ZHX2: variants seen among roughly 807,000 people sequenced by gnomAD.
The protein encoded by ZHX2 is zinc fingers and homeoboxes protein 2.
Under a neutral mutation model 21.9 loss-of-function variants are expected in ZHX2, and 6 were observed. The observed-to-expected ratio is 0.27, with a 90% confidence interval of 0.15 to 0.54. The LOEUF is 0.54. ZHX2 is among the 20% of genes least tolerant of loss of function. The pLI, the probability that ZHX2 is intolerant of heterozygous loss-of-function variation, is 0.95. For missense variants in ZHX2, 908 were observed against 1,090.7 expected (o/e 0.83, Z 2.36); for synonymous variants, 434 against 437.1 (o/e 0.99, Z 0.09).
intron 1 of ZHX2, among the ~76,000 whole-genome samples, chr8:122,812,885 T>C (rs1030826202): frequency 1.3e-5 from 2 of 152,124 alleles, no homozygotes; most frequent in Non-Finnish European, 2.9e-5. Context: ...TTAAGTATTC[T>C]TTACCACTAC....
chr8:122,803,927 G>A (rs117486709), intron 1 of ZHX2, among the ~76,000 whole-genome samples: 2,559 of 152,290 alleles, frequency 0.017, 40 homozygotes, highest in South Asian at 0.063. Flanking sequence ...CCCCACAGAG[G>A]AGAAGCCATT....
At chr8:122,815,407 T>G (rs1818010338) in intron 1 of ZHX2, 2 of 152,288 alleles carry the variant, frequency 1.3e-5, no homozygotes, top group Non-Finnish European at 2.9e-5. Context: ...TGCACTTCAC[T>G]GTATCACGCT....
At position 122,782,520 on chromosome 8, in the gene ZHX2, C is replaced by T. The variant is rs1315295775; in HGVS notation, c.-283+574C>T. Among the ~76,000 whole-genome samples the T allele has an allele frequency of 6.6e-6, 1 of 152,082 alleles. No homozygotes were observed. The highest frequency in any genetic ancestry group is 1.9e-4 in the East Asian group (1 of 5,170). ...GTCTGCTCCCCTCCCTCCCCCTCTC[C>T]CCTCGCTCCCCTCTCCCGGTGACGA... On this transcript the variant is annotated intron_variant, in intron 1 of 3. Transcript: ENST00000314393. This position sits in a 1 kb window ranked among gnomAD's most constrained non-coding sequence, Gnocchi z 5.3.
chr8:122,799,163 GC>G (rs1817668947), intron 1 of ZHX2, among the ~76,000 whole-genome samples: 1 of 152,168 alleles, frequency 6.6e-6, no homozygotes, highest in African/African-American at 2.4e-5. Context: ...ACCACTCCCA[GC>G]CCTTTTGATC....
chr8:122,857,908 G>A (rs1819066487), intron 1 of ZHX2, among the ~76,000 whole-genome samples: 2 of 152,220 alleles, frequency 1.3e-5, no homozygotes, highest in African/African-American at 4.8e-5. Context: ...GGAAGTGGTG[G>A]CTGTTATGTG....
At chr8:122,837,634 G>A (rs1343531864) in intron 1 of ZHX2, among the ~76,000 whole-genome samples, 1 of 152,170 alleles carries the variant, frequency 6.6e-6, no homozygotes, top group Non-Finnish European at 1.5e-5. Context: ...GGGAATAGAG[G>A]GTGAGAATTT....
intron 2 of ZHX2, among the ~76,000 whole-genome samples, chr8:122,901,693 C>T (rs949055850): frequency 2.0e-5 from 3 of 152,122 alleles, no homozygotes; most frequent in African/African-American, 7.2e-5. Flanking sequence ...ACATTTGGGG[C>T]CGGTTAGTTC....
intron 2 of ZHX2, among the ~76,000 whole-genome samples, chr8:122,872,008 C>T (rs1250436980): frequency 2.0e-5 from 3 of 152,142 alleles, no homozygotes; most frequent in African/African-American, 7.2e-5. Flanking sequence ...ATCATCCTAC[C>T]CAACTGCACT....
chr8:122,841,430 AG>A (rs1367493781), intron 1 of ZHX2, among the ~76,000 whole-genome samples: 16 of 152,060 alleles, frequency 1.1e-4, no homozygotes, highest in Admixed American at 4.6e-4. Context: ...CACACCTTGC[AG>A]GTGCCAGACA....
Position 122,880,013 on chromosome 8 carries a change from T to C in ZHX2, c.-220+16474T>C, listed in dbSNP as rs568571672. 3.3e-5 allele frequency among the ~76,000 whole-genome samples: 5 copies of C among 149,406 alleles called. No individual in the cohort carries two copies. In the East Asian group the frequency reaches 8.0e-4, roughly 24 times the overall value. ...TTTTAGATGGAGCCTCGCTCTGTTG[T>C]CCAGGCTAGAGTACAGTGGTGCAAT... On this transcript the variant is annotated intron_variant, in intron 2 of 3. Transcript: ENST00000314393.
chr8:122,951,453 C>A lies in ZHX2; in HGVS notation c.-58C>A, dbSNP rs1586416955. ...CTTTCACCTTATTCGTTCCAAGAAT[C>A]TCACCGCCCCCTCCTTATCCCCCTC... On this transcript the variant is annotated 5_prime_UTR_variant, in exon 3 of 4. Transcript: ENST00000314393. 3 of 1,466,096 alleles carry A rather than the reference C, an allele frequency of 2.0e-6. No homozygotes were observed. In the East Asian group the frequency reaches 7.1e-5, roughly 35 times the overall value. 90.8% of individuals were successfully genotyped at this position (1,466,096 alleles called of 1,614,324 possible).
intron 1 of ZHX2, among the ~76,000 whole-genome samples, chr8:122,832,482 G>C (rs745313673): frequency 3.3e-4 from 51 of 152,290 alleles, no homozygotes; most frequent in African/African-American, 1.2e-3. Context: ...ACTCCACGCC[G>C]TTCGTCGGTA....
Position 122,953,867 on chromosome 8 carries a change from A to G in ZHX2, c.2357A>G (p.Glu786Gly), listed in dbSNP as rs950076378. The part of the protein sequence containing the change: ...SRDGQGSDEN[E>G]ESSVVDYVEV... Reference sequence around the variant, plus strand: ...GACGGCCAGGGTAGCGACGAGAACGAGGAGTCGAGCGTTGTGGATTACGTG... The same window carrying G: ...GACGGCCAGGGTAGCGACGAGAACGGGGAGTCGAGCGTTGTGGATTACGTG... The change falls in exon 3 of 4, where the codon GAG (glutamate) becomes GGG (glycine). Residue 786 changes from glutamate to glycine, a missense_variant. Transcript: ENST00000314393. This position sits in a 1 kb window ranked among gnomAD's most constrained non-coding sequence, Gnocchi z 4.6. The G allele has an allele frequency of 1.2e-6, 2 of 1,614,084 alleles. No individual in the cohort carries two copies. Among genetic ancestry groups the G allele is most frequent in the African/African-American group, 2.7e-5 (2 of 74,942 alleles).
Position 122,782,759 on chromosome 8 carries a change from C to CCCGG in ZHX2, c.-283+816_-283+819dup, listed in dbSNP as rs1292418479. Among the ~76,000 whole-genome samples the CCCGG allele has an allele frequency of 6.6e-6, 1 of 152,070 alleles. No individual in the cohort carries two copies. Among genetic ancestry groups the CCCGG allele is most frequent in the Non-Finnish European group, 1.5e-5 (1 of 67,982 alleles). On this transcript the variant is annotated intron_variant, in intron 1 of 3. Transcript: ENST00000314393. The surrounding 1 kb of genome is among the most constrained non-coding windows in gnomAD (Gnocchi z 5.3). Reference sequence around the variant, plus strand: ...GGGGGCCGAGGGCGGCCGCGGGACCCCCGGCCCTGCTGTCCGCTGCCAGCT... The same window carrying CCCGG: ...GGGGGCCGAGGGCGGCCGCGGGACCCCCGGCCGGCCCTGCTGTCCGCTGCCAGCT...
At chr8:122,911,922 G>C (rs1157713176) in intron 2 of ZHX2, among the ~76,000 whole-genome samples, 2 of 152,118 alleles carry the variant, frequency 1.3e-5, no homozygotes, top group Non-Finnish European at 2.9e-5. Context: ...TTAGAGGCGG[G>C]GAATGGCTCC....
In ZHX2 at chr8:122,953,904, C is replaced by T. The variant is rs778739958; in HGVS notation, c.2394C>T (p.Val798=). ...SSVVDYVEVT[V]GEEDAISDRS... is the part of the protein sequence containing the mutation. ...TTGTGGATTACGTGGAGGTGACGGT[C>T]GGGGAGGAGGATGCGATCTCAGATA... Residue 798 remains valine (V), a synonymous_variant, in exon 3 of 4, where the codon GTC becomes GTT. Transcript: ENST00000314393. This position sits in a 1 kb window ranked among gnomAD's most constrained non-coding sequence, Gnocchi z 4.6. The T allele has an allele frequency of 4.0e-5, 64 of 1,613,954 alleles. No individual in the cohort carries two copies. In the South Asian group the frequency reaches 4.4e-4, roughly 11 times the overall value.
chr8:122,851,267 T>C (rs1262154263), intron 1 of ZHX2, among the ~76,000 whole-genome samples: 3 of 152,154 alleles, frequency 2.0e-5, no homozygotes, highest in Non-Finnish European at 4.4e-5. Flanking sequence ...GGCCTGTTCA[T>C]TGGGGTTAAC....
At chr8:122,794,460 A>G (rs16897445) in intron 1 of ZHX2, among the ~76,000 whole-genome samples, 2,336 of 152,270 alleles carry the variant, frequency 0.015, 54 homozygotes, top group African/African-American at 0.054. Flanking sequence ...CAGAAACCCA[A>G]ATGCTTTCAA....
At position 122,858,346 on chromosome 8, in the gene ZHX2, G is replaced by A. The variant is rs78821432; in HGVS notation, c.-282-5131G>A. Reference sequence around the variant, plus strand: ...AATGGGATAAACTTCGTAAGAGGGAGTGACCCTCGGGGAGGGCATTTCTCT... The same window carrying A: ...AATGGGATAAACTTCGTAAGAGGGAATGACCCTCGGGGAGGGCATTTCTCT... On this transcript the variant is annotated intron_variant, in intron 1 of 3. Coordinates refer to ENST00000314393, the MANE Select transcript of ZHX2 (RefSeq NM_014943.5). 4.1e-4 allele frequency among the ~76,000 whole-genome samples: 63 copies of A among 152,356 alleles called. No individual in the cohort carries two copies. In the East Asian group the frequency reaches 0.011, roughly 27 times the overall value.
Sources: allele counts gnomAD v4.1 joint callset (sites outside exome capture counted in the v4.1 genomes callset), GRCh38; gene constraint gnomAD v4.1.1; non-coding constraint Gnocchi (gnomAD v3.1); transcripts MANE v1.5; gene names NCBI Gene and HGNC (gene_info 2026-07-23, HGNC 2026-07-21).